Variants in ABCD4 observed in about 807,000 individuals in gnomAD.
ABCD4 encodes the protein lysosomal cobalamin transporter ABCD4.
ABCD4 carries 53 observed loss-of-function variants against 86.3 expected under a neutral mutation model. The ratio of observed to expected loss-of-function variants is 0.61; its 90% CI spans 0.49 to 0.77. The LOEUF (loss-of-function observed/expected upper bound fraction) is 0.77, where lower values mean the gene tolerates loss of function less well. Ranked by LOEUF, ABCD4 falls within the 30% of genes least tolerant of loss-of-function variation. The pLI is 0.00. For synonymous variants in ABCD4, 328 were observed against 313.6 expected (o/e 1.05, Z -0.49); for missense variants, 757 against 764.5 (o/e 0.99, Z 0.12).
rs771449334 is a variant in ABCD4 at position 74,299,601 on chromosome 14, C to A, written c.232G>T (p.Gly78Trp). 6 of 1,613,858 alleles carry A rather than the reference C, an allele frequency of 3.7e-6. No homozygotes were observed. The highest frequency in any genetic ancestry group is 1.3e-5 in the African/African-American group (1 of 74,894). Residue 78 changes from glycine (G) to tryptophan (W), a missense_variant, in exon 3 of 19, where the codon GGG (glycine) becomes TGG (tryptophan). Transcript: ENST00000356924. ...GCCAGGAATGTCAGAGTCTTAAACCCTTCCAAGTCTTTGTTTCCCAGGACC... is the reference window on the plus strand; with the variant it reads ...GCCAGGAATGTCAGAGTCTTAAACCATTCCAAGTCTTTGTTTCCCAGGACC... ...YGVLGNKDLE[G>W]FKTLTFLAVM... is the part of the protein sequence containing the mutation.
Position 74,300,209 on chromosome 14 carries a change from G to A in ABCD4, c.98C>T (p.Pro33Leu). The change falls in exon 2 of 19, where the codon CCT becomes CTT. Residue 33 changes from proline to leucine, a missense_variant. Coordinates refer to ENST00000356924, the MANE Select transcript of ABCD4 (RefSeq NM_005050.4). ...CAAGGCATTTTGTGATGACCAAGAAGGAAACAAAACCTTCAGTATCTGCAG... is the reference window on the plus strand; with the variant it reads ...CAAGGCATTTTGTGATGACCAAGAAAGAAACAAAACCTTCAGTATCTGCAG... The part of the protein sequence containing the change: ...RFLQILKVLF[P>L]SWSSQNALMF... The A allele has an allele frequency of 1.9e-6, 3 of 1,613,814 alleles. No homozygotes were observed. The highest frequency in any genetic ancestry group is 2.5e-6 in the Non-Finnish European group (3 of 1,179,920).
At chr14:74,293,520 A>G (rs2082094143) in intron 7 of ABCD4, 2 of 340,942 alleles carry the variant, frequency 5.9e-6, no homozygotes, top group East Asian at 9.6e-5. Flanking sequence ...AGGCTACTTA[A>G]GCCTCCAAGC....
At chr14:74,299,518 G>T in intron 3 of ABCD4, 30 bp downstream of exon 3, 1 of 1,611,060 alleles carries the variant, frequency 6.2e-7, no homozygotes, top group Non-Finnish European at 8.5e-7. Flanking sequence ...TGGAGAGGAC[G>T]AGAGACACAG....
chr14:74,299,319 A>C, intron 3 of ABCD4: 1 of 480,972 alleles, frequency 2.1e-6, no homozygotes, highest in South Asian at 2.3e-5. Context: ...TTAAACCAGA[A>C]CCTGTGGCCT....
rs767735716 is a variant in ABCD4 at position 74,302,895 on chromosome 14, G to T, written c.18C>A (p.Pro6=). ...CTTACCTGGCGCCAGCTCCGGGCGC[G>T]GGCCCCGCGACCGCCATGACCTGAG... The part of the protein sequence containing the change: MAVAG[P]APGAGARPRL... The change falls in exon 1 of 19, where the codon CCC becomes CCA. Residue 6 remains proline (P), a synonymous_variant. Transcript: ENST00000356924. The T allele has an allele frequency of 1.7e-5, 28 of 1,606,886 alleles. No individual in the cohort carries two copies. The highest frequency in any genetic ancestry group is 2.4e-5 in the Non-Finnish European group (28 of 1,177,120).
chr14:74,286,675 C>G, intron 18 of ABCD4, 26 bp downstream of exon 18: 1 of 1,613,944 alleles, frequency 6.2e-7, no homozygotes, highest in Non-Finnish European at 8.5e-7. Flanking sequence ...TTCTCCTCCT[C>G]AGGCCATCCT....
intron 15 of ABCD4, 156 bp downstream of exon 15, chr14:74,288,560 T>C: frequency 2.4e-6 from 2 of 850,140 alleles, no homozygotes; most frequent in South Asian, 1.6e-5. Context: ...TGCCTAAACC[T>C]GGCCAACAGC....
intron 3 of ABCD4, 73 bp from the exon 4 acceptor site, chr14:74,298,142 C>A (rs955719305): frequency 6.4e-7 from 1 of 1,565,936 alleles, no homozygotes. Flanking sequence ...TCAAGGCTCG[C>A]AAGAGCCTCC....
chr14:74,286,230 C>G lies in ABCD4; in HGVS notation c.*231G>C, dbSNP rs1038535345. On this transcript the variant is annotated 3_prime_UTR_variant, in exon 19 of 19. Transcript: ENST00000356924. ...CACTTCAAGCATATGGAGGCTCTGG[C>G]TGAGGCAGCAGAGTCCTGGGAGACT... The G allele has an allele frequency of 1.0e-5, 5 of 499,288 alleles. No individual in the cohort carries two copies. Among genetic ancestry groups the G allele is most frequent in the Non-Finnish European group, 1.8e-5 (5 of 281,262 alleles). The allele number at this position is 499,288 out of a possible 1,614,324, so 30.9% of individuals were successfully genotyped here. A position where few individuals can be genotyped will look rare whatever the true frequency, so the allele number is the denominator to read the frequency against.
chr14:74,289,413 G>C, intron 14 of ABCD4, 70 bp downstream of exon 14: 1 of 1,598,274 alleles, frequency 6.3e-7, no homozygotes, highest in Admixed American at 1.7e-5. Flanking sequence ...CACAGATGAG[G>C]CCACAGTCAG....
intron 14 of ABCD4, 66 bp downstream of exon 14, chr14:74,289,417 C>G (rs1170555026): frequency 1.9e-6 from 3 of 1,585,972 alleles, no homozygotes; most frequent in East Asian, 2.2e-5. Flanking sequence ...GATGAGGCCA[C>G]AGTCAGGTAG....
At chr14:74,292,702 A>C in intron 9 of ABCD4, 46 bp downstream of exon 9, 1 of 1,613,988 alleles carries the variant, frequency 6.2e-7, no homozygotes, top group Non-Finnish European at 8.5e-7. Flanking sequence ...CACTGGGCCA[A>C]GGACAGAGAG....
At chr14:74,299,045 G>T (rs373370653) in intron 3 of ABCD4, 1 of 155,344 alleles carries the variant, frequency 6.4e-6, no homozygotes, top group African/African-American at 2.4e-5. Flanking sequence ...AGCTGAGAAA[G>T]ACTTGAAAGA....
At chr14:74,300,063 CAAAAA>C (rs10557205) in intron 2 of ABCD4, 82 bp downstream of exon 2, 6,749 of 325,030 alleles carry the variant, frequency 0.021, no homozygotes, top group East Asian at 0.035. Flanking sequence ...AACTCTGTCT[CAAAAA>C]AAAAAAAAAA....
At chr14:74,302,388 T>A (rs2084855559) in intron 1 of ABCD4, among the ~76,000 whole-genome samples, 1 of 152,110 alleles carries the variant, frequency 6.6e-6, no homozygotes, top group African/African-American at 2.4e-5. Context: ...CTATATAGAT[T>A]TCAAAGTAAC....
chr14:74,289,787 T>C, intron 13 of ABCD4: 3 of 1,436,288 alleles, frequency 2.1e-6, no homozygotes, highest in South Asian at 3.0e-5. Context: ...CATACGCGTG[T>C]GGTATTTGGC....
intron 3 of ABCD4, among the ~76,000 whole-genome samples, chr14:74,298,274 A>G (rs747124596): frequency 6.6e-6 from 1 of 152,020 alleles, no homozygotes; most frequent in Non-Finnish European, 1.5e-5. Context: ...TTCCTTCACC[A>G]AATTTTTTTT....
Position 74,298,124 on chromosome 14 carries a change from C to G in ABCD4, c.286-55G>C, listed in dbSNP as rs536017814. 3 of 1,592,952 alleles carry G rather than the reference C, an allele frequency of 1.9e-6. No homozygotes were observed. In the Admixed American group the frequency reaches 5.5e-5, roughly 29 times the overall value. Reference sequence around the variant, plus strand: ...AGAGATGGCTTCCTGAAAATCTCAGCTCAAAGCTCAAGGCTCGCAAGAGCC... The same window carrying G: ...AGAGATGGCTTCCTGAAAATCTCAGGTCAAAGCTCAAGGCTCGCAAGAGCC... On this transcript the variant is annotated intron_variant, in intron 3 of 18. Transcript: ENST00000356924.
intron 3 of ABCD4, among the ~76,000 whole-genome samples, chr14:74,298,556 C>T (rs1028559108): frequency 1.3e-5 from 2 of 152,236 alleles, no homozygotes; most frequent in African/African-American, 2.4e-5. Context: ...CAGGCGTGAG[C>T]CACTGTACCC....
Sources: gnomAD v4.1 joint callset for allele counts (sites outside exome capture counted in the v4.1 genomes callset) on GRCh38, gnomAD v4.1.1 for gene constraint, MANE v1.5 for transcripts, NCBI Gene and HGNC (gene_info 2026-07-23, HGNC 2026-07-21) for gene names.